Variants in SOX5 observed in about 807,000 individuals in gnomAD.
SOX5 encodes SRY-box transcription factor 5.
In SOX5, 9 loss-of-function variants were observed where a neutral mutation model predicts 92.0. That is an observed-to-expected ratio of 0.10 (90% CI 0.06 to 0.17). SOX5 has a LOEUF of 0.17. Ranked by LOEUF, SOX5 falls within the 10% of genes least tolerant of loss-of-function variation. The probability of loss-of-function intolerance (pLI) is 1.00; values close to 1 mark genes in which losing one functional copy is unlikely to be tolerated. For missense variants in SOX5, 642 were observed against 944.5 expected (o/e 0.68, Z 4.20); for synonymous variants, 344 against 336.3 (o/e 1.02, Z -0.25).
At chr12:24,323,361 TTAGTGATAGAC>T (rs1950384575) in intron 2 of SOX5, among the ~76,000 whole-genome samples, 1 of 151,266 alleles carries the variant, frequency 6.6e-6, no homozygotes, top group Non-Finnish European at 1.5e-5. Flanking sequence ...AGTTATATAA[TTAGTGATAGAC>T]TAGTGTCAGA....
chr12:23,916,970 T>C (rs1176470008), intron 1 of SOX5, among the ~76,000 whole-genome samples: 3 of 152,128 alleles, frequency 2.0e-5, no homozygotes, highest in Admixed American at 6.6e-5. Flanking sequence ...ACTACACACA[T>C]CTAAGAAAAT....
chr12:23,604,157 T>C (rs2074934221), intron 9 of SOX5: 2 of 438,266 alleles, frequency 4.6e-6, no homozygotes, highest in South Asian at 7.8e-5. Context: ...TTTTTATCTC[T>C]CACATTTTCT....
At chr12:24,493,551 T>C (rs902263609) in intron 1 of SOX5, among the ~76,000 whole-genome samples, 3 of 152,192 alleles carry the variant, frequency 2.0e-5, no homozygotes, top group African/African-American at 7.2e-5. Flanking sequence ...TTTCTGTAAA[T>C]GTAAGACTCT....
At chr12:23,616,572 T>C (rs1260028120) in intron 8 of SOX5, among the ~76,000 whole-genome samples, 1 of 152,208 alleles carries the variant, frequency 6.6e-6, no homozygotes, top group Non-Finnish European at 1.5e-5. Flanking sequence ...TTAAAATCTT[T>C]TGTATTTGTA....
At chr12:23,666,052 T>A (rs932387966) in intron 6 of SOX5, among the ~76,000 whole-genome samples, 2 of 152,182 alleles carry the variant, frequency 1.3e-5, no homozygotes, top group Non-Finnish European at 2.9e-5. Context: ...TATTGAATTT[T>A]TAAATTATTG....
chr12:24,298,714 T>C (rs1947581721), intron 2 of SOX5, among the ~76,000 whole-genome samples: 1 of 149,588 alleles, frequency 6.7e-6, no homozygotes, highest in Non-Finnish European at 1.5e-5. Context: ...CTTGCATTTA[T>C]GTACTTGCTG....
intron 2 of SOX5, among the ~76,000 whole-genome samples, chr12:23,856,378 T>C (rs1214475403): frequency 6.6e-6 from 1 of 152,154 alleles, no homozygotes; most frequent in African/African-American, 2.4e-5. Flanking sequence ...TATTCACTAA[T>C]GTTTCAGTCA....
chr12:24,279,135 C>T (rs980595281), intron 2 of SOX5, among the ~76,000 whole-genome samples: 1 of 152,006 alleles, frequency 6.6e-6, no homozygotes, highest in Non-Finnish European at 1.5e-5. Context: ...ATCTTTATGT[C>T]AAGTCAAATT....
At chr12:24,415,415 T>A (rs1964852602) in intron 1 of SOX5, among the ~76,000 whole-genome samples, 1 of 152,164 alleles carries the variant, frequency 6.6e-6, no homozygotes, top group Admixed American at 6.5e-5. Flanking sequence ...GCACATAATA[T>A]TTTAATGTTT....
At chr12:24,517,092 T>C (rs1272880745) in intron 1 of SOX5, among the ~76,000 whole-genome samples, 2 of 152,168 alleles carry the variant, frequency 1.3e-5, no homozygotes, top group Non-Finnish European at 2.9e-5. Flanking sequence ...TCTTTTAAAA[T>C]CACACTTAGC....
intron 2 of SOX5, among the ~76,000 whole-genome samples, chr12:23,892,779 A>G (rs1198061945): frequency 1.3e-5 from 2 of 152,262 alleles, no homozygotes; most frequent in Non-Finnish European, 1.5e-5. Context: ...ACTAACTTCT[A>G]GAATAACGGA....
chr12:24,068,002 A>G (rs976246838), intron 4 of SOX5, among the ~76,000 whole-genome samples: 36 of 152,102 alleles, frequency 2.4e-4, no homozygotes, highest in Admixed American at 2.2e-3. Flanking sequence ...AAAATTAGCC[A>G]GGCGTGGTGG....
intron 2 of SOX5, among the ~76,000 whole-genome samples, chr12:24,351,514 G>T (rs548065412): frequency 6.6e-6 from 1 of 152,296 alleles, no homozygotes; most frequent in East Asian, 1.9e-4. Context: ...TTGTAGAGAG[G>T]CAGTGAATTG....
intron 1 of SOX5, among the ~76,000 whole-genome samples, chr12:24,405,102 T>TGGAACTGTG (rs1962618417): frequency 1.3e-5 from 2 of 152,202 alleles, no homozygotes; most frequent in South Asian, 4.1e-4. Flanking sequence ...TTCTATCCTC[T>TGGAACTGTG]GGAACTGTGG....
At chr12:23,813,142 T>C (rs968903373) in intron 3 of SOX5, among the ~76,000 whole-genome samples, 2 of 152,190 alleles carry the variant, frequency 1.3e-5, no homozygotes, top group African/African-American at 4.8e-5. Flanking sequence ...ACAATAATTG[T>C]CACTCTATTC....
chr12:23,999,140 C>CGTGTGTGTGTG (rs71445976), intron 4 of SOX5, among the ~76,000 whole-genome samples: 1 of 141,306 alleles, frequency 7.1e-6, no homozygotes, highest in East Asian at 2.1e-4. Context: ...AAAAAAGACT[C>CGTGTGTGTGTG]TGTGTGTGTG....
At chr12:24,073,813 C>T (rs1324493083) in intron 4 of SOX5, among the ~76,000 whole-genome samples, 2 of 152,096 alleles carry the variant, frequency 1.3e-5, no homozygotes, top group East Asian at 1.9e-4. Flanking sequence ...ATAAATAATA[C>T]ACAATGAATT....
intron 11 of SOX5, among the ~76,000 whole-genome samples, chr12:23,556,438 A>ATATT (rs1489157020): frequency 3.3e-5 from 5 of 152,322 alleles, no homozygotes; most frequent in Non-Finnish European, 7.4e-5. Context: ...AAACGAGAAA[A>ATATT]TATTAATCAC....
intron 2 of SOX5, among the ~76,000 whole-genome samples, chr12:24,355,903 A>C (rs1954773148): frequency 6.6e-6 from 1 of 152,200 alleles, no homozygotes; most frequent in African/African-American, 2.4e-5. Context: ...ATAGTTTAGT[A>C]CTCCTAAGAA....
Sources: gnomAD v4.1 joint callset for allele counts (sites outside exome capture counted in the v4.1 genomes callset) on GRCh38, gnomAD v4.1.1 for gene constraint, MANE v1.5 for transcripts, NCBI Gene and HGNC (gene_info 2026-07-23, HGNC 2026-07-21) for gene names.